The following DOK5 variants were observed in gnomAD, a reference collection of about 807,000 sequenced individuals.
DOK5 encodes docking protein 5.
Under a neutral mutation model 43.3 loss-of-function variants are expected in DOK5, and 27 were observed. The observed-to-expected ratio is 0.62, with a 90% CI of 0.46 to 0.86. The LOEUF is 0.86. DOK5 is among the 40% of genes least tolerant of loss of function. The pLI is 0.00. For missense variants in DOK5, 373 were observed against 392.9 expected (o/e 0.95, Z 0.43); for synonymous variants, 146 against 140.1 (o/e 1.04, Z -0.30).
intron 1 of DOK5, among the ~76,000 whole-genome samples, chr20:54,521,653 G>A (rs1600677920): frequency 6.6e-6 from 1 of 152,120 alleles, no homozygotes; most frequent in South Asian, 2.1e-4. Context: ...TGTCATCTAG[G>A]TGCTTTTATG....
intron 1 of DOK5, among the ~76,000 whole-genome samples, chr20:54,516,079 G>A (rs2146692097): frequency 6.6e-6 from 1 of 152,222 alleles, no homozygotes; most frequent in South Asian, 2.1e-4. Context: ...GTACCCTTAG[G>A]CTAAAGATAG....
intron 2 of DOK5, among the ~76,000 whole-genome samples, chr20:54,579,664 T>C (rs899526913): frequency 1.3e-5 from 2 of 152,218 alleles, no homozygotes; most frequent in African/African-American, 4.8e-5. Context: ...GTATTTGTCC[T>C]TTCGTGATTG....
At chr20:54,643,723 G>A (rs1600763691) in intron 7 of DOK5, 145 bp downstream of exon 7, 10 of 1,066,114 alleles carry the variant, frequency 9.4e-6, no homozygotes, top group South Asian at 5.1e-5. Flanking sequence ...CCTCACACAC[G>A]AGGCACTTAA....
intron 6 of DOK5, among the ~76,000 whole-genome samples, chr20:54,628,890 T>C (rs1419377409): frequency 6.6e-6 from 1 of 152,234 alleles, no homozygotes; most frequent in Non-Finnish European, 1.5e-5. Flanking sequence ...ATTTTTTATT[T>C]TTAATGTCTT....
chr20:54,504,685 A>T (rs1368462338), intron 1 of DOK5, among the ~76,000 whole-genome samples: 1 of 152,222 alleles, frequency 6.6e-6, no homozygotes, highest in African/African-American at 2.4e-5. Context: ...GAATGAAATG[A>T]TGAACTAGAT....
intron 5 of DOK5, among the ~76,000 whole-genome samples, chr20:54,599,389 C>G (rs146136527): frequency 1.3e-5 from 2 of 152,280 alleles, no homozygotes; most frequent in East Asian, 3.9e-4. Context: ...TATAAATATT[C>G]CAATAGTAGA....
intron 7 of DOK5, 83 bp from the exon 8 acceptor site, chr20:54,650,332 T>C: frequency 7.3e-7 from 1 of 1,368,982 alleles, no homozygotes; most frequent in Non-Finnish European, 1.0e-6. Context: ...CTTATTTCTG[T>C]TATAGAGAAA....
At position 54,650,884 on chromosome 20, in the gene DOK5, T is replaced by A. The variant is rs1026582334; in HGVS notation, c.*405T>A. The A allele has an allele frequency of 1.3e-5, 2 of 159,526 alleles. No homozygotes were observed. The highest frequency in any genetic ancestry group is 1.2e-4 in the Admixed American group (2 of 16,002). The allele number at this position is 159,526 out of a possible 1,614,324, so 9.9% of individuals were successfully genotyped here. On this transcript the variant is annotated 3_prime_UTR_variant, in exon 8 of 8. Transcript: ENST00000262593. ...TTGACAATAAAATGGCTTTTAATTA[T>A]TTGTTATTTGTTTACACCCTATTCC...
chr20:54,565,772 C>T (rs918411802), intron 2 of DOK5, among the ~76,000 whole-genome samples: 13 of 152,146 alleles, frequency 8.5e-5, no homozygotes, highest in Admixed American at 7.9e-4. Flanking sequence ...CCTGTAATCC[C>T]GGCACTTTGG....
At chr20:54,606,866 A>G (rs1286639336) in intron 5 of DOK5, among the ~76,000 whole-genome samples, 1 of 152,224 alleles carries the variant, frequency 6.6e-6, no homozygotes, top group Non-Finnish European at 1.5e-5. Flanking sequence ...CAAAAGTCCT[A>G]ACAATTTACA....
chr20:54,510,917 G>A (rs554776140), intron 1 of DOK5, among the ~76,000 whole-genome samples: 181 of 152,316 alleles, frequency 1.2e-3, no homozygotes, highest in Non-Finnish European at 2.3e-3. Flanking sequence ...AACACTGTCC[G>A]TGGTGCTCAG....
intron 6 of DOK5, among the ~76,000 whole-genome samples, chr20:54,626,512 G>T (rs1162211523): frequency 6.6e-6 from 1 of 152,156 alleles, no homozygotes; most frequent in Non-Finnish European, 1.5e-5. Flanking sequence ...TCATATAGAT[G>T]ATGATTAGTG....
At chr20:54,551,825 G>T (rs1984541330) in intron 1 of DOK5, among the ~76,000 whole-genome samples, 1 of 151,992 alleles carries the variant, frequency 6.6e-6, no homozygotes, top group South Asian at 2.1e-4. Context: ...TAATTTACAG[G>T]TTTTTTGTTT....
intron 6 of DOK5, among the ~76,000 whole-genome samples, chr20:54,638,133 A>AAAG: frequency 6.6e-6 from 1 of 151,718 alleles, no homozygotes; most frequent in East Asian, 1.9e-4. Flanking sequence ...AAAAAAAAAA[A>AAAG]AAAAGATAAT....
chr20:54,564,444 A>G (rs1042799837), intron 2 of DOK5, among the ~76,000 whole-genome samples: 1 of 152,186 alleles, frequency 6.6e-6, no homozygotes. Context: ...AAAGATTTTT[A>G]TTAGAGATAC....
intron 2 of DOK5, among the ~76,000 whole-genome samples, chr20:54,570,459 C>A (rs372666084): frequency 6.6e-6 from 1 of 152,112 alleles, no homozygotes; most frequent in Non-Finnish European, 1.5e-5. Context: ...TTTGCATATA[C>A]AAAGTGAATT....
chr20:54,545,373 G>A lies in DOK5; in HGVS notation c.67-9560G>A, dbSNP rs144109000. On this transcript the variant is annotated intron_variant, in intron 1 of 7. Transcript: ENST00000262593. ...ATTTTCTGTGGCTATTGAAAAGCCT[G>A]AAAGTGACAGAGGAGACTGAGACTC... 2.5e-4 allele frequency among the ~76,000 whole-genome samples: 38 copies of A among 152,280 alleles called. 1 individual carries two copies. The East Asian group carries it at 7.3e-3, about 29-fold the overall frequency.
intron 1 of DOK5, among the ~76,000 whole-genome samples, chr20:54,490,430 A>G (rs111687723): frequency 1.7e-3 from 253 of 152,322 alleles, no homozygotes; most frequent in Non-Finnish European, 2.6e-3. Flanking sequence ...TTCTTGGTCA[A>G]TCTTATAAAA....
chr20:54,519,846 G>A (rs918448645), intron 1 of DOK5, among the ~76,000 whole-genome samples: 1 of 152,132 alleles, frequency 6.6e-6, no homozygotes. Flanking sequence ...AAGCTTCAAG[G>A]AGATGTGATG....
Sources: gnomAD v4.1 joint callset for allele counts (sites outside exome capture counted in the v4.1 genomes callset) on GRCh38, gnomAD v4.1.1 for gene constraint, MANE v1.5 for transcripts, NCBI Gene and HGNC (gene_info 2026-07-23, HGNC 2026-07-21) for gene names.